UTP20: variants seen among roughly 807,000 people sequenced by gnomAD.
The protein encoded by UTP20 is small subunit processome component 20 homolog.
A neutral mutation model predicts 329.5 loss-of-function variants in UTP20; 164 were observed. The ratio of observed to expected loss-of-function variants is 0.50; its 90% CI spans 0.44 to 0.57. UTP20 has a LOEUF of 0.57. Among genes scored for constraint, UTP20 ranks in the 20% least tolerant of loss-of-function variants. The pLI, the probability that UTP20 is intolerant of heterozygous loss-of-function variation, is 0.00. For missense variants in UTP20, 3,055 were observed against 3,284.2 expected (o/e 0.93, Z 1.71); for synonymous variants, 1,151 against 1,159.3 (o/e 0.99, Z 0.14).
intron 58 of UTP20, among the ~76,000 whole-genome samples, chr12:101,382,018 CAAA>C (rs756789889): frequency 9.3e-6 from 1 of 107,316 alleles, no homozygotes; most frequent in Non-Finnish European, 1.7e-5. Context: ...GACTCTGTAT[CAAA>C]AAAAAAAAAA....
chr12:101,330,296 A>G (rs1868716781), intron 27 of UTP20, among the ~76,000 whole-genome samples: 2 of 152,158 alleles, frequency 1.3e-5, no homozygotes, highest in South Asian at 4.1e-4. Context: ...CTGGTTGGGA[A>G]TGGTCTTGAC....
chr12:101,351,138 T>C (rs78535426), intron 38 of UTP20, among the ~76,000 whole-genome samples: 2,962 of 152,128 alleles, frequency 0.019, 60 homozygotes, highest in African/African-American at 0.052. Flanking sequence ...ATTTTTTTTT[T>C]TTTTCCAAGA....
chr12:101,308,734 G>GTTTT (rs34029914), intron 18 of UTP20, among the ~76,000 whole-genome samples: 1 of 144,116 alleles, frequency 6.9e-6, no homozygotes. Context: ...AGCTCTCTAT[G>GTTTT]TTTTTTTTTT....
chr12:101,315,728 A>G (rs1013434504), intron 21 of UTP20, among the ~76,000 whole-genome samples: 1 of 152,206 alleles, frequency 6.6e-6, no homozygotes, highest in Non-Finnish European at 1.5e-5. Context: ...ATATAAAATA[A>G]CACTTATCAG....
At chr12:101,315,250 C>T (rs1478547096) in intron 21 of UTP20, among the ~76,000 whole-genome samples, 1 of 152,074 alleles carries the variant, frequency 6.6e-6, no homozygotes, top group East Asian at 1.9e-4. Context: ...CTTTGGGGGG[C>T]CGAGGTGGGC....
intron 56 of UTP20, among the ~76,000 whole-genome samples, chr12:101,377,476 G>C (rs188755405): frequency 3.3e-5 from 5 of 151,996 alleles, no homozygotes; most frequent in African/African-American, 1.2e-4. Flanking sequence ...GACTACAGGC[G>C]TGTGCCACCA....
At chr12:101,317,189 G>T (rs1179643233) in intron 21 of UTP20, among the ~76,000 whole-genome samples, 4 of 152,198 alleles carry the variant, frequency 2.6e-5, no homozygotes, top group Non-Finnish European at 5.9e-5. Flanking sequence ...TGGTTCCAGA[G>T]ACAGGGAGGC....
intron 58 of UTP20, among the ~76,000 whole-genome samples, chr12:101,381,432 G>A (rs61944238): frequency 0.12 from 18,716 of 152,198 alleles, 1,422 homozygotes; most frequent in Middle Eastern, 0.23. Flanking sequence ...CTACTTGGGA[G>A]GCTGAGGCAG....
rs556115465 is a variant in UTP20 at position 101,328,536 on chromosome 12, G to C, written c.3209-705G>C. 3.2e-3 allele frequency among the ~76,000 whole-genome samples: 488 copies of C among 152,258 alleles called. 3 individuals carry two copies. The highest frequency in any genetic ancestry group is 4.2e-3 in the Non-Finnish European group (286 of 68,014). On this transcript the variant is annotated intron_variant, in intron 26 of 61. Transcript: ENST00000261637. ...TAGTAAAACTGCCAAACTCAGTAGAGCTGAATGAAATGGAAAGTAAGAAAA... is the reference window on the plus strand; with the variant it reads ...TAGTAAAACTGCCAAACTCAGTAGACCTGAATGAAATGGAAAGTAAGAAAA...
rs780169174 is a variant in UTP20 at position 101,317,676 on chromosome 12, T to C, written c.2738+13T>C. On this transcript the variant is annotated intron_variant, in intron 22 of 61. Transcript: ENST00000261637. ...GAGCTGCAGCAAAGTAAGTTCACCA[T>C]TGCTGAAAGATCACAGATCCACAGT... 6.3e-7 allele frequency: 1 copy of C among 1,594,796 alleles called. No homozygotes were observed. Among genetic ancestry groups the C allele is most frequent in the East Asian group, 2.3e-5 (1 of 44,260 alleles).
chr12:101,307,533 C>T (rs111493010), intron 17 of UTP20, among the ~76,000 whole-genome samples: 4,992 of 152,144 alleles, frequency 0.033, 306 homozygotes, highest in African/African-American at 0.11. Context: ...CCTGCCACCA[C>T]GCCTGGCTAA....
intron 11 of UTP20, among the ~76,000 whole-genome samples, chr12:101,294,385 T>A (rs569532097): frequency 3.9e-4 from 60 of 152,278 alleles, no homozygotes; most frequent in African/African-American, 1.4e-3. Context: ...TGTGTAGACT[T>A]CCTCCTATGG....
intron 44 of UTP20, 149 bp from the exon 45 acceptor site, chr12:101,363,427 T>C (rs1181823006): frequency 4.6e-6 from 3 of 647,330 alleles, no homozygotes; most frequent in Non-Finnish European, 7.4e-6. Context: ...ACAAGTGCAT[T>C]CTAAAAGAAA....
intron 25 of UTP20, among the ~76,000 whole-genome samples, chr12:101,324,030 G>C (rs1378823367): frequency 6.6e-6 from 1 of 151,886 alleles, no homozygotes; most frequent in Non-Finnish European, 1.5e-5. Flanking sequence ...CCAGCGATTT[G>C]GGAGGCTGAG....
intron 52 of UTP20, 68 bp downstream of exon 52, chr12:101,373,031 G>A (rs1305000619): frequency 3.0e-6 from 4 of 1,323,522 alleles, no homozygotes; most frequent in East Asian, 2.3e-5. Flanking sequence ...CATGGCGGCT[G>A]TCTTAAAAAG....
At chr12:101,295,755 G>C in intron 12 of UTP20, 97 bp downstream of exon 12, 1 of 1,284,636 alleles carries the variant, frequency 7.8e-7, no homozygotes, top group Non-Finnish European at 1.0e-6. Flanking sequence ...ATATGTAACA[G>C]GAAAGATGTC....
chr12:101,321,404 A>T, intron 24 of UTP20, 100 bp from the exon 25 acceptor site: 1 of 1,509,462 alleles, frequency 6.6e-7, no homozygotes, highest in Non-Finnish European at 9.0e-7. Flanking sequence ...TGTACTATAT[A>T]CCTTATTTTA....
intron 2 of UTP20, 147 bp downstream of exon 2, chr12:101,281,343 A>G (rs1226956591): frequency 1.6e-6 from 1 of 626,118 alleles, no homozygotes; most frequent in African/African-American, 1.8e-5. Context: ...GCCACATATG[A>G]CAAATTGGAT....
chr12:101,302,916 T>C (rs1336742321), intron 15 of UTP20, among the ~76,000 whole-genome samples: 2 of 152,224 alleles, frequency 1.3e-5, no homozygotes, highest in Non-Finnish European at 2.9e-5. Flanking sequence ...CAACTTGAGG[T>C]GATCAGCATT....
Sources: allele counts gnomAD v4.1 joint callset (sites outside exome capture counted in the v4.1 genomes callset), GRCh38; gene constraint gnomAD v4.1.1; transcripts MANE v1.5; gene names NCBI Gene and HGNC (gene_info 2026-07-23, HGNC 2026-07-21).